MCPH1: variants seen among roughly 807,000 people sequenced by gnomAD.
MCPH1 encodes microcephalin.
MCPH1 carries 104 observed loss-of-function variants against 84.5 expected under a neutral mutation model. The observed-to-expected ratio is 1.23, with a 90% CI of 1.05 to 1.45. The LOEUF (loss-of-function observed/expected upper bound fraction) is 1.45. Among genes scored for constraint, MCPH1 ranks in the 40% most tolerant of loss-of-function variants. MCPH1 has a pLI of 0.00. For synonymous variants in MCPH1, 514 were observed against 366.8 expected, an observed-to-expected ratio of 1.40 and a Z score of -4.58; for missense variants, 1,498 against 1,005.7, an observed-to-expected ratio of 1.49 and a Z score of -6.62.
intron 12 of MCPH1, among the ~76,000 whole-genome samples, chr8:6,598,443 A>G (rs966956180): frequency 6.6e-6 from 1 of 152,086 alleles, no homozygotes; most frequent in East Asian, 1.9e-4. Context: ...TGAGGGGAGA[A>G]GAAGGGGATG....
At chr8:6,606,196 G>A (rs1309711492) in intron 12 of MCPH1, among the ~76,000 whole-genome samples, 1 of 152,196 alleles carries the variant, frequency 6.6e-6, no homozygotes, top group East Asian at 1.9e-4. Context: ...TGAAGAATAT[G>A]CCTGATTATA....
At chr8:6,420,324 T>A (rs1385971679) in intron 3 of MCPH1, among the ~76,000 whole-genome samples, 1 of 152,114 alleles carries the variant, frequency 6.6e-6, no homozygotes, top group Admixed American at 6.5e-5. Context: ...CTGTGCTTCA[T>A]GTAAGTTCTC....
chr8:6,502,989 G>T, intron 12 of MCPH1: 1 of 1,303,382 alleles, frequency 7.7e-7, no homozygotes, highest in Non-Finnish European at 1.1e-6. Context: ...TCAGCACCGA[G>T]CACACGCCCT....
At chr8:6,494,357 C>T (rs1472252332) in intron 11 of MCPH1, 1 of 152,136 alleles carries the variant, frequency 6.6e-6, no homozygotes, top group Non-Finnish European at 1.5e-5. Flanking sequence ...TAGCTGTAAA[C>T]CTTGATATGG....
intron 5 of MCPH1, among the ~76,000 whole-genome samples, chr8:6,438,404 C>G (rs1259969453): frequency 6.6e-6 from 1 of 152,018 alleles, no homozygotes; most frequent in Non-Finnish European, 1.5e-5. Flanking sequence ...CTGAAGGGCT[C>G]TTTGAGCATA....
intron 13 of MCPH1, chr8:6,634,994 T>A (rs1797438313): frequency 2.0e-5 from 3 of 152,214 alleles, no homozygotes; most frequent in Admixed American, 2.0e-4. Context: ...ACACAGTGAC[T>A]AAAGACACAG....
intron 1 of MCPH1, among the ~76,000 whole-genome samples, chr8:6,408,621 C>G (rs187957868): frequency 4.0e-5 from 6 of 151,556 alleles, no homozygotes; most frequent in African/African-American, 1.2e-4. Context: ...CAGCTTCTAC[C>G]TCCTGGGCTC....
chr8:6,527,964 C>T (rs1406181510), intron 12 of MCPH1, among the ~76,000 whole-genome samples: 7 of 146,534 alleles, frequency 4.8e-5, no homozygotes, highest in Non-Finnish European at 9.0e-5. Flanking sequence ...GGCATGATCT[C>T]GGCTCACTGC....
At position 6,570,386 on chromosome 8, in the gene MCPH1, A is replaced by C. The variant is rs533034072; in HGVS notation, c.2215-51068A>C. ...TGAGCAAATGTATATTTTGTTAAAA[A>C]TAAGTATCTGACTGCCAAAACGGAC... On this transcript the variant is annotated intron_variant, in intron 12 of 13. Transcript: ENST00000344683. Among the ~76,000 whole-genome samples, 82 of 152,350 alleles carry C rather than the reference A, an allele frequency of 5.4e-4. 1 individual carries two copies. The highest frequency in any genetic ancestry group is 1.7e-3 in the African/African-American group (69 of 41,576).
chr8:6,626,972 C>T (rs1337487120), intron 13 of MCPH1: 1 of 979,264 alleles, frequency 1.0e-6, no homozygotes, highest in African/African-American at 1.8e-5. Context: ...GTAATATTCT[C>T]AACAGCATTG....
At position 6,597,967 on chromosome 8, in the gene MCPH1, C is replaced by T. The variant is rs552718184; in HGVS notation, c.2215-23487C>T. ...CCAGCACTTGACCTAGAGCCTTGCA[C>T]TGAGGACGTGCCACTCATGTCTGCT... On this transcript the variant is annotated intron_variant, in intron 12 of 13. Coordinates refer to ENST00000344683, the MANE Select transcript of MCPH1 (RefSeq NM_024596.5). 4.6e-5 allele frequency among the ~76,000 whole-genome samples: 7 copies of T among 152,332 alleles called. No individual in the cohort carries two copies. The South Asian group carries it at 1.4e-3, about 32-fold the overall frequency.
intron 8 of MCPH1, chr8:6,447,106 C>T (rs763522472): frequency 3.7e-5 from 36 of 985,418 alleles, no homozygotes; most frequent in Middle Eastern, 5.2e-4. Context: ...TACAGACAGA[C>T]GGGAAGTCAC....
chr8:6,409,709 AT>A (rs1798271543), intron 2 of MCPH1, among the ~76,000 whole-genome samples: 2 of 151,822 alleles, frequency 1.3e-5, no homozygotes, highest in African/African-American at 4.8e-5. Context: ...ACTGAAAAAT[AT>A]CTGTTAGATA....
intron 12 of MCPH1, among the ~76,000 whole-genome samples, chr8:6,575,790 C>T (rs1412418563): frequency 2.0e-5 from 3 of 152,026 alleles, no homozygotes; most frequent in Admixed American, 6.6e-5. Flanking sequence ...ACAGGAGGAA[C>T]GCCTCGTGAC....
At chr8:6,439,649 G>T (rs923513317) in intron 6 of MCPH1, among the ~76,000 whole-genome samples, 1 of 151,884 alleles carries the variant, frequency 6.6e-6, no homozygotes, top group African/African-American at 2.4e-5. Context: ...CACCCGCCTC[G>T]GCCTCCCAAA....
intron 9 of MCPH1, among the ~76,000 whole-genome samples, chr8:6,475,223 A>T (rs1808292648): frequency 6.6e-6 from 1 of 152,236 alleles, no homozygotes; most frequent in Non-Finnish European, 1.5e-5. Flanking sequence ...GTACCAGTGC[A>T]GCTAATGACC....
chr8:6,409,127 C>T (rs1169858424), intron 1 of MCPH1, 152 bp from the exon 2 acceptor site: 1 of 686,090 alleles, frequency 1.5e-6, no homozygotes, highest in African/African-American at 1.8e-5. Context: ...CTTCGTGGAT[C>T]CACCCACTTC....
chr8:6,480,230 T>C (rs1809023357), intron 10 of MCPH1, among the ~76,000 whole-genome samples: 1 of 152,112 alleles, frequency 6.6e-6, no homozygotes, highest in African/African-American at 2.4e-5. Context: ...TTCAAGCTAT[T>C]CTGTCTGCCT....
chr8:6,634,899 G>C (rs981005918), intron 13 of MCPH1: 2 of 152,188 alleles, frequency 1.3e-5, no homozygotes, highest in African/African-American at 4.8e-5. Flanking sequence ...TTGCACGCTC[G>C]CAGCAGTGAA....
Sources: gnomAD v4.1 joint callset for allele counts (sites outside exome capture counted in the v4.1 genomes callset) on GRCh38, gnomAD v4.1.1 for gene constraint, MANE v1.5 for transcripts, NCBI Gene and HGNC (gene_info 2026-07-23, HGNC 2026-07-21) for gene names.